Variants in ADK observed in about 807,000 individuals in gnomAD.
The protein encoded by ADK is N6,N6-dimethyladenosine kinase.
Under a neutral mutation model 44.7 loss-of-function variants are expected in ADK, and 24 were observed. The ratio of observed to expected loss-of-function variants is 0.54; its 90% confidence interval spans 0.39 to 0.76. The LOEUF is 0.76. Ranked by LOEUF, ADK falls within the 30% of genes least tolerant of loss-of-function variation. ADK has a pLI of 0.00. For synonymous variants in ADK, 128 were observed against 142.6 expected (o/e 0.90, Z 0.73); for missense variants, 321 against 425.1 (o/e 0.76, Z 2.15).
At chr10:74,612,565 T>C (rs561018985) in intron 9 of ADK, among the ~76,000 whole-genome samples, 1 of 152,326 alleles carries the variant, frequency 6.6e-6, no homozygotes, top group Admixed American at 6.5e-5. Context: ...GCAAATATTT[T>C]CTCCTAATCT....
At chr10:74,400,836 T>G (rs76791663) in intron 6 of ADK, among the ~76,000 whole-genome samples, 5 of 152,344 alleles carry the variant, frequency 3.3e-5, no homozygotes, top group Non-Finnish European at 7.4e-5. Flanking sequence ...TCAGCTCTGC[T>G]TCTTCACACT....
At chr10:74,690,379 C>T (rs775102590) in intron 10 of ADK, among the ~76,000 whole-genome samples, 2 of 152,134 alleles carry the variant, frequency 1.3e-5, no homozygotes, top group African/African-American at 2.4e-5. Flanking sequence ...ACCTGTGGTC[C>T]GAGCTACTCA....
chr10:74,685,379 G>T (rs1236274328), intron 10 of ADK, among the ~76,000 whole-genome samples: 1 of 152,114 alleles, frequency 6.6e-6, no homozygotes. Context: ...AAGCCTAAGG[G>T]TAACAGACTC....
At chr10:74,483,224 ACTAGGTAGAAG>A (rs1847137298) in intron 6 of ADK, among the ~76,000 whole-genome samples, 1 of 152,122 alleles carries the variant, frequency 6.6e-6, no homozygotes, top group African/African-American at 2.4e-5. Flanking sequence ...CAGGCTAAAC[ACTAGGTAGAAG>A]CTGCCAAGGC....
At chr10:74,628,091 C>T (rs1156368308) in intron 9 of ADK, among the ~76,000 whole-genome samples, 1 of 152,138 alleles carries the variant, frequency 6.6e-6, no homozygotes, top group Admixed American at 6.5e-5. Context: ...ACTTGTAAAC[C>T]ATCTATACAT....
At chr10:74,294,288 C>CTTTTTTTTTTTTTTTT (rs1215680885) in intron 3 of ADK, among the ~76,000 whole-genome samples, 1 of 145,624 alleles carries the variant, frequency 6.9e-6, no homozygotes, top group African/African-American at 2.5e-5. Flanking sequence ...TCTTTTCTTT[C>CTTTTTTTTTTTTTTTT]TTTTTTTTTT....
chr10:74,220,550 TG>T (rs1486971355), intron 2 of ADK, among the ~76,000 whole-genome samples: 2 of 152,000 alleles, frequency 1.3e-5, no homozygotes, highest in African/African-American at 4.8e-5. Context: ...TACCAAAGCC[TG>T]GCAGAGACAC....
intron 6 of ADK, among the ~76,000 whole-genome samples, chr10:74,426,436 T>C (rs1474574688): frequency 6.6e-6 from 1 of 152,172 alleles, no homozygotes; most frequent in African/African-American, 2.4e-5. Context: ...AAGCTATCTG[T>C]TTTTATAAAT....
At chr10:74,690,033 C>T (rs1855931846) in intron 10 of ADK, among the ~76,000 whole-genome samples, 1 of 152,156 alleles carries the variant, frequency 6.6e-6, no homozygotes, top group African/African-American at 2.4e-5. Flanking sequence ...CTTTGTGAAC[C>T]ATTTCTGGAA....
In ADK at chr10:74,172,142, T is replaced by C. The variant is rs796913218; in HGVS notation, c.65+20799T>C. On this transcript the variant is annotated intron_variant, in intron 1 of 10. Transcript: ENST00000539909. ...TCCTACAGTACATGGATTTTCTTTT[T>C]TTTTTTTTTTTTTTAAGACAGGGTC... 3.1e-3 allele frequency among the ~76,000 whole-genome samples: 404 copies of C among 132,204 alleles called. 3 individuals carry two copies. The highest frequency in any genetic ancestry group is 0.013 in the African/African-American group (306 of 23,778). The allele number at this position is 132,204 out of a possible 152,430, so 86.7% of individuals were successfully genotyped here. A position where few individuals can be genotyped will look rare whatever the true frequency, so the allele number is the denominator to read the frequency against.
At chr10:74,586,997 A>G (rs947599113) in intron 7 of ADK, among the ~76,000 whole-genome samples, 7 of 152,112 alleles carry the variant, frequency 4.6e-5, no homozygotes, top group African/African-American at 1.7e-4. Flanking sequence ...ATTTTACTGT[A>G]TGTGAATTTT....
chr10:74,579,093 G>A (rs928761938), intron 7 of ADK, among the ~76,000 whole-genome samples: 5 of 152,094 alleles, frequency 3.3e-5, no homozygotes, highest in Non-Finnish European at 2.9e-5. Flanking sequence ...AATTAGCCGG[G>A]TGTGGTGGCG....
In ADK at chr10:74,253,673, C is replaced by T. The variant is rs139978633; in HGVS notation, c.194+29082C>T. Among the ~76,000 whole-genome samples, 637 of 150,980 alleles carry T rather than the reference C, an allele frequency of 4.2e-3. 19 individuals carry two copies. Among genetic ancestry groups the T allele is most frequent in the Admixed American group, 0.037 (561 of 15,170 alleles). On this transcript the variant is annotated intron_variant, in intron 3 of 10. Coordinates refer to ENST00000539909, the MANE Select transcript of ADK (RefSeq NM_006721.4). Reference sequence around the variant, plus strand: ...AATCTTGGAACTTGATTGTGGTTTTCGTAAATTTGATAATATTCCTAAGAA... The same window carrying T: ...AATCTTGGAACTTGATTGTGGTTTTTGTAAATTTGATAATATTCCTAAGAA...
intron 6 of ADK, among the ~76,000 whole-genome samples, chr10:74,508,683 A>T (rs923373798): frequency 2.0e-5 from 3 of 152,082 alleles, no homozygotes; most frequent in African/African-American, 7.2e-5. Flanking sequence ...GGTCTTATCA[A>T]ATTATCTTCA....
At chr10:74,389,176 A>G (rs994869155) in intron 4 of ADK, among the ~76,000 whole-genome samples, 2 of 152,210 alleles carry the variant, frequency 1.3e-5, no homozygotes, top group African/African-American at 4.8e-5. Flanking sequence ...TTTAAGGTAT[A>G]CTGTACATAT....
intron 7 of ADK, among the ~76,000 whole-genome samples, chr10:74,567,886 A>T (rs1850744212): frequency 6.6e-6 from 1 of 151,696 alleles, no homozygotes. Flanking sequence ...TTTTTAGTAG[A>T]GGCAGAGTTT....
rs941622490 is a variant in ADK, at chr10:74,424,810, A to G, written c.555+26231A>G. 3.3e-5 allele frequency among the ~76,000 whole-genome samples: 5 copies of G among 152,240 alleles called. No homozygotes were observed. The East Asian group carries it at 9.6e-4, about 29-fold the overall frequency. On this transcript the variant is annotated intron_variant, in intron 6 of 10. Coordinates refer to ENST00000539909, the MANE Select transcript of ADK (RefSeq NM_006721.4). ...AGTGTCTCATATTCTGTTTTACCTG[A>G]CATTGAATTTTATGTAATAATCATT...
At chr10:74,231,417 C>T (rs138220302) in intron 3 of ADK, among the ~76,000 whole-genome samples, 618 of 152,034 alleles carry the variant, frequency 4.1e-3, no homozygotes, top group African/African-American at 0.014. Context: ...ATGATATTTT[C>T]GCTGGAAATT....
At chr10:74,508,180 G>A (rs1312796928) in intron 6 of ADK, among the ~76,000 whole-genome samples, 1 of 152,126 alleles carries the variant, frequency 6.6e-6, no homozygotes, top group South Asian at 2.1e-4. Context: ...AGAGTGATTA[G>A]GGTGATTAAT....
Sources: gnomAD v4.1 joint callset for allele counts (sites outside exome capture counted in the v4.1 genomes callset) on GRCh38, gnomAD v4.1.1 for gene constraint, MANE v1.5 for transcripts, NCBI Gene and HGNC (gene_info 2026-07-23, HGNC 2026-07-21) for gene names.